Variants in C12orf42 observed in about 807,000 individuals in gnomAD.
The protein encoded by C12orf42 is uncharacterized protein C12orf42.
In C12orf42, 25 loss-of-function variants were observed where a neutral mutation model predicts 21.6. The ratio of observed to expected loss-of-function variants is 1.16; its 90% CI spans 0.84 to 1.62. The LOEUF is 1.62. C12orf42 is among the 40% of genes most tolerant of loss of function. The pLI is 0.00. For synonymous variants in C12orf42, 174 were observed against 175.0 expected, an observed-to-expected ratio of 0.99 and a Z score of 0.05; for missense variants, 483 against 459.3, an observed-to-expected ratio of 1.05 and a Z score of -0.47.
In C12orf42 at chr12:103,424,947, T is replaced by C. The variant is rs1404499758; in HGVS notation, c.79-23272A>G. Among the ~76,000 whole-genome samples, 5 of 152,204 alleles carry C rather than the reference T, an allele frequency of 3.3e-5. 1 individual carries two copies. On this transcript the variant is annotated intron_variant, in intron 2 of 5. Coordinates refer to ENST00000548883, the MANE Select transcript of C12orf42 (RefSeq NM_198521.5). Reference sequence around the variant, plus strand: ...GCTAAGATCCACTGGTTTGAAATTCTCACTGCCAGCACAGCAGTCTGAAGT... The same window carrying C: ...GCTAAGATCCACTGGTTTGAAATTCCCACTGCCAGCACAGCAGTCTGAAGT...
intron 10 of C12orf42, among the ~76,000 whole-genome samples, chr12:103,245,317 C>A (rs544219011): frequency 6.6e-6 from 1 of 152,028 alleles, no homozygotes; most frequent in Non-Finnish European, 1.5e-5. Flanking sequence ...AGTTCTCTTA[C>A]CTGTACAATG....
chr12:103,317,775 T>C (rs552124040), intron 4 of C12orf42, among the ~76,000 whole-genome samples: 7 of 152,266 alleles, frequency 4.6e-5, no homozygotes, highest in Admixed American at 1.3e-4. Context: ...TGTTACCACA[T>C]GAAATTGGTA....
intron 4 of C12orf42, among the ~76,000 whole-genome samples, chr12:103,311,904 A>G (rs2039005810): frequency 1.3e-5 from 2 of 152,204 alleles, no homozygotes; most frequent in Admixed American, 6.5e-5. Flanking sequence ...GATCTCAGTC[A>G]CTCATCAGAG....
At chr12:103,539,525 C>T in the C12orf42 span, among the ~76,000 whole-genome samples, 1 of 151,914 alleles carries the variant, frequency 6.6e-6, no homozygotes, top group Non-Finnish European at 1.5e-5. Flanking sequence ...CATACCTTTA[C>T]TTTTTAAAAT....
At chr12:103,118,642 C>G in the C12orf42 span, among the ~76,000 whole-genome samples, 2 of 151,700 alleles carry the variant, frequency 1.3e-5, no homozygotes, top group African/African-American at 2.4e-5. Context: ...ACTAAAAATA[C>G]AAAAGATTAG....
At chr12:103,130,278 G>T in the C12orf42 span, among the ~76,000 whole-genome samples, 1 of 151,180 alleles carries the variant, frequency 6.6e-6, no homozygotes, top group African/African-American at 2.4e-5. Flanking sequence ...AGGTCATATA[G>T]CTATAGGTAG....
chr12:103,117,130 A>G, the C12orf42 span, among the ~76,000 whole-genome samples: 1 of 152,232 alleles, frequency 6.6e-6, no homozygotes, highest in African/African-American at 2.4e-5. Flanking sequence ...GAACACTAGC[A>G]TTTATTCCTC....
chr12:103,417,636 T>G (rs574790770), intron 2 of C12orf42, among the ~76,000 whole-genome samples: 1 of 152,348 alleles, frequency 6.6e-6, no homozygotes, highest in South Asian at 2.1e-4. Flanking sequence ...CCTAAGAGAC[T>G]GCTATTAACC....
intron 2 of C12orf42, among the ~76,000 whole-genome samples, chr12:103,428,907 AAAATT>A (rs144588779): frequency 0.63 from 94,302 of 150,596 alleles, 30,177 homozygotes; most frequent in Admixed American, 0.72. Context: ...GGCCTTTAAT[AAAATT>A]CAACACCCCT....
the C12orf42 span, among the ~76,000 whole-genome samples, chr12:103,172,730 T>C: frequency 6.6e-6 from 1 of 152,116 alleles, no homozygotes; most frequent in Non-Finnish European, 1.5e-5. Context: ...TGCTACAAAA[T>C]ATTTCCAACA....
At chr12:103,390,811 T>C (rs141426081) in intron 3 of C12orf42, among the ~76,000 whole-genome samples, 20 of 152,308 alleles carry the variant, frequency 1.3e-4, no homozygotes, top group Middle Eastern at 3.4e-3. Context: ...TCATCTTTTT[T>C]CCACTCATTT....
intron 10 of C12orf42, among the ~76,000 whole-genome samples, chr12:103,255,288 C>A (rs968807087): frequency 6.6e-6 from 1 of 152,136 alleles, no homozygotes; most frequent in Non-Finnish European, 1.5e-5. Flanking sequence ...AGGGGGATCA[C>A]TTGAACCCAG....
At chr12:103,235,848 G>A (rs554344622), downstream of C12orf42, among the ~76,000 whole-genome samples, 10 of 152,200 alleles carry the variant, frequency 6.6e-5, no homozygotes, top group Admixed American at 2.0e-4. Flanking sequence ...ATAAAGCCAC[G>A]AAGAAATTTG....
the C12orf42 span, among the ~76,000 whole-genome samples, chr12:103,210,258 G>C: frequency 6.6e-5 from 10 of 152,048 alleles, no homozygotes; most frequent in Admixed American, 1.3e-4. Flanking sequence ...GTTCTTTCCT[G>C]AGTCAAGTTG....
the C12orf42 span, among the ~76,000 whole-genome samples, chr12:103,122,789 G>A: frequency 6.6e-6 from 1 of 152,030 alleles, no homozygotes; most frequent in Non-Finnish European, 1.5e-5. Context: ...ATCAATATAG[G>A]GACTTTGTCT....
the C12orf42 span, among the ~76,000 whole-genome samples, chr12:103,222,258 G>A: frequency 6.6e-6 from 1 of 151,856 alleles, no homozygotes; most frequent in South Asian, 2.1e-4. Flanking sequence ...ATAGGATTTG[G>A]GTAGGTAAAG....
chr12:103,384,264 AG>A (rs5800584), intron 3 of C12orf42, among the ~76,000 whole-genome samples: 9,990 of 152,236 alleles, frequency 0.066, 329 homozygotes, highest in Non-Finnish European at 0.091. Flanking sequence ...TCAAAAAAAA[AG>A]TGGGGGGTGC....
At chr12:103,053,443 G>A in the C12orf42 span, among the ~76,000 whole-genome samples, 20 of 151,872 alleles carry the variant, frequency 1.3e-4, no homozygotes, top group African/African-American at 4.6e-4. Flanking sequence ...TTTAAAACTG[G>A]ATTGTTTTCT....
At chr12:103,072,387 T>C in the C12orf42 span, among the ~76,000 whole-genome samples, 1 of 152,060 alleles carries the variant, frequency 6.6e-6, no homozygotes, top group Admixed American at 6.6e-5. Flanking sequence ...TCTATTCTCA[T>C]TAATCTCGGA....
Sources: allele counts gnomAD v4.1 joint callset (sites outside exome capture counted in the v4.1 genomes callset), GRCh38; gene constraint gnomAD v4.1.1; transcripts MANE v1.5; gene names NCBI Gene and HGNC (gene_info 2026-07-23, HGNC 2026-07-21).